FAT3: variants seen among roughly 807,000 people sequenced by gnomAD.
The protein encoded by FAT3 is protocadherin Fat 3.
In FAT3, 95 loss-of-function variants were observed where a neutral mutation model predicts 310.2. That is an observed-to-expected ratio of 0.31 (90% CI 0.26 to 0.36). The LOEUF is 0.36. FAT3 is among the 10% of genes least tolerant of loss of function. The pLI, the probability that FAT3 is intolerant of heterozygous loss-of-function variation, is 1.00. For synonymous variants in FAT3, 2,314 were observed against 2,192.9 expected, an observed-to-expected ratio of 1.06 and a Z score of -1.54; for missense variants, 5,408 against 5,715.6, an observed-to-expected ratio of 0.95 and a Z score of 1.74.
intron 4 of FAT3, among the ~76,000 whole-genome samples, chr11:92,705,448 TG>T (rs1944260560): frequency 1.4e-5 from 1 of 73,178 alleles, no homozygotes; most frequent in Non-Finnish European, 3.4e-5. Flanking sequence ...GGTGGTGGTG[TG>T]ATGGTGGTGT....
chr11:92,837,787 A>G lies in FAT3; in HGVS notation c.10349A>G (p.Asn3450Ser), dbSNP rs1326918322. ...NDNSPVFTPA[N>S]YTAVIQENKP... Reference sequence around the variant, plus strand: ...AACAGCCCGGTGTTTACACCTGCCAACTATACTGCTGTGATTCAGGTGAGA... The same window carrying G: ...AACAGCCCGGTGTTTACACCTGCCAGCTATACTGCTGTGATTCAGGTGAGA... Residue 3450 changes from asparagine to serine, a missense_variant, in exon 17 of 28, where the codon AAC becomes AGC. Around this residue, in one of 5 missense-constraint regions of FAT3, gnomAD observed 4,588 missense variants for 4,809.8 expected, o/e 0.95. Transcript: ENST00000525166. 15 of 1,613,854 alleles carry G rather than the reference A, an allele frequency of 9.3e-6. No individual in the cohort carries two copies. Among genetic ancestry groups the G allele is most frequent in the East Asian group, 2.2e-5 (1 of 44,888 alleles).
intron 18 of FAT3, among the ~76,000 whole-genome samples, chr11:92,842,521 T>G (rs541993424): frequency 6.6e-6 from 1 of 152,310 alleles, no homozygotes; most frequent in African/African-American, 2.4e-5. Context: ...AATTTTACAT[T>G]CCAGCATCTC....
intron 3 of FAT3, among the ~76,000 whole-genome samples, chr11:92,562,036 G>A (rs927814649): frequency 3.9e-5 from 6 of 151,968 alleles, no homozygotes; most frequent in Non-Finnish European, 5.9e-5. Context: ...CCCTGCCTAG[G>A]GTCATTGTTA....
At chr11:92,705,915 T>TG (rs1944326067) in intron 4 of FAT3, among the ~76,000 whole-genome samples, 1 of 28,544 alleles carries the variant, frequency 3.5e-5, no homozygotes, top group African/African-American at 1.4e-4. Context: ...TGGTGGTGGT[T>TG]TGATGGTGGT....
chr11:92,873,946 C>T (rs554718824), intron 22 of FAT3, among the ~76,000 whole-genome samples: 1 of 152,276 alleles, frequency 6.6e-6, no homozygotes, highest in Admixed American at 6.5e-5. Context: ...TCGTGAAACC[C>T]ATCTTATTGA....
chr11:92,685,363 G>A (rs1218050561), intron 3 of FAT3, among the ~76,000 whole-genome samples: 2 of 151,944 alleles, frequency 1.3e-5, no homozygotes, highest in Non-Finnish European at 2.9e-5. Context: ...TTATGAACCT[G>A]TAACATTTTA....
intron 3 of FAT3, among the ~76,000 whole-genome samples, chr11:92,676,407 T>C (rs1462161450): frequency 6.6e-6 from 1 of 152,110 alleles, no homozygotes; most frequent in East Asian, 1.9e-4. Flanking sequence ...ATCAAAATAG[T>C]AAAGTTTGGA....
chr11:92,384,700 G>A (rs1949578484), intron 2 of FAT3, among the ~76,000 whole-genome samples: 1 of 152,146 alleles, frequency 6.6e-6, no homozygotes, highest in African/African-American at 2.4e-5. Flanking sequence ...AGTGGGAGAA[G>A]CAAATTAATT....
At chr11:92,641,364 C>G (rs750674455) in intron 3 of FAT3, among the ~76,000 whole-genome samples, 36 of 152,270 alleles carry the variant, frequency 2.4e-4, no homozygotes, top group African/African-American at 6.7e-4. Context: ...GCCAATATGA[C>G]AAGTTACCAG....
intron 20 of FAT3, among the ~76,000 whole-genome samples, chr11:92,858,348 A>G (rs1476708458): frequency 6.6e-6 from 1 of 152,192 alleles, no homozygotes; most frequent in East Asian, 1.9e-4. Context: ...TAGCAGGTGG[A>G]TGGGTAGGGG....
chr11:92,497,557 T>C (rs1783350917), intron 2 of FAT3, among the ~76,000 whole-genome samples: 1 of 152,072 alleles, frequency 6.6e-6, no homozygotes, highest in South Asian at 2.1e-4. Flanking sequence ...AATGTAATAG[T>C]TGGCTGGAGG....
At position 92,790,048 on chromosome 11, in the gene FAT3, C is replaced by A; in HGVS notation, c.4441C>A (p.Gln1481Lys). 1 of 1,613,844 alleles carries A rather than the reference C, an allele frequency of 6.2e-7. No homozygotes were observed. The highest frequency in any genetic ancestry group is 8.5e-7 in the Non-Finnish European group (1 of 1,179,770). ...TGTGCTTCCAGACACGGAGATCCTG[C>A]AGATTGAAGCCACAGATAGAGATGA... ...EDVLPDTEIL[Q>K]IEATDRDEKH... Residue 1481 changes from glutamine (Q) to lysine (K), a missense_variant, in exon 8 of 28, where the codon CAG (glutamine) becomes AAG (lysine). Physicochemically the swap from Gln to Lys is moderately conservative, Grantham distance 53. This residue lies in a region of FAT3 where 4,588 missense variants were observed against 4,809.8 expected (regional missense o/e 0.95). Coordinates refer to ENST00000525166, the MANE Select transcript of FAT3 (RefSeq NM_001367949.2).
rs76126163 is a variant in FAT3, at chr11:92,672,594, T to C, written c.3608-24790T>C. Among the ~76,000 whole-genome samples, 290 of 152,336 alleles carry C rather than the reference T, an allele frequency of 1.9e-3. 3 individuals carry two copies. The highest frequency in any genetic ancestry group is 3.5e-3 in the Non-Finnish European group (235 of 68,024). ...TGCCAAAAAAATATATCAGTCAGCA[T>C]AGTGGTCCCCACCCCTTTGCCTCTT... is the stretch of plus-strand genomic sequence containing the variant. On this transcript the variant is annotated intron_variant, in intron 3 of 27. Transcript: ENST00000525166.
At chr11:92,636,021 T>G (rs1941755546) in intron 3 of FAT3, among the ~76,000 whole-genome samples, 1 of 152,166 alleles carries the variant, frequency 6.6e-6, no homozygotes, top group Non-Finnish European at 1.5e-5. Flanking sequence ...TCGAATGCAG[T>G]GGTGCCATCT....
At chr11:92,830,105 A>G (rs1180741361) in intron 13 of FAT3, among the ~76,000 whole-genome samples, 1 of 152,238 alleles carries the variant, frequency 6.6e-6, no homozygotes, top group East Asian at 1.9e-4. Flanking sequence ...CCTCTGACTA[A>G]TGACCGTCTT....
Position 92,890,874 on chromosome 11 carries a change from A to G in FAT3, c.13531A>G (p.Ser4511Gly), listed in dbSNP as rs779993341. ...NETDLVGPPASCEFSTFAVSM... is the reference protein window; with the variant it reads ...NETDLVGPPAGCEFSTFAVSM... ...AACGGATTTGGTGGGCCCGCCTGCC[A>G]GCTGTGAATTTAGTACTTTTGCTGT... The change falls in exon 28 of 28, where the codon AGC becomes GGC. Residue 4511 changes from serine (S) to glycine (G), a missense_variant. By Grantham distance (56) the Ser-to-Gly change is moderately conservative. Around this residue, in one of 5 missense-constraint regions of FAT3, gnomAD observed 649 missense variants for 666.2 expected, o/e 0.97. Coordinates refer to ENST00000525166, the MANE Select transcript of FAT3 (RefSeq NM_001367949.2). 1.2e-6 allele frequency: 2 copies of G among 1,613,932 alleles called. No homozygotes were observed. The highest frequency in any genetic ancestry group is 3.3e-5 in the Admixed American group (2 of 60,020).
intron 6 of FAT3, among the ~76,000 whole-genome samples, chr11:92,768,407 G>A (rs924060655): frequency 6.6e-6 from 1 of 152,166 alleles, no homozygotes; most frequent in African/African-American, 2.4e-5. Flanking sequence ...CCTTTTCCCA[G>A]GTGCTGGTTA....
intron 3 of FAT3, among the ~76,000 whole-genome samples, chr11:92,562,747 T>C (rs524317): frequency 6.6e-6 from 1 of 151,944 alleles, no homozygotes; most frequent in Non-Finnish European, 1.5e-5. Context: ...TAAACTCTGA[T>C]GTCTAAGGAT....
At chr11:92,427,014 A>G (rs1490591906) in intron 2 of FAT3, among the ~76,000 whole-genome samples, 1 of 152,080 alleles carries the variant, frequency 6.6e-6, no homozygotes, top group Non-Finnish European at 1.5e-5. Flanking sequence ...ATGAGCATGC[A>G]ATGTTTTTCC....
Sources: gnomAD v4.1 joint callset for allele counts (sites outside exome capture counted in the v4.1 genomes callset) on GRCh38, gnomAD v4.1.1 for gene constraint, gnomAD v4.1.1 regional missense constraint, MANE v1.5 for transcripts, NCBI Gene and HGNC (gene_info 2026-07-23, HGNC 2026-07-21) for gene names.